SH3D19: variants seen among roughly 807,000 people sequenced by gnomAD.
The protein encoded by SH3D19 is SH3 domain-containing protein 19.
A neutral mutation model predicts 112.1 loss-of-function variants in SH3D19; 58 were observed. The observed-to-expected ratio is 0.52, with a 90% CI of 0.42 to 0.64. SH3D19 has a LOEUF of 0.64. Among genes scored for constraint, SH3D19 ranks in the 30% least tolerant of loss-of-function variants. SH3D19 has a pLI of 0.00. For missense variants in SH3D19, 1,090 were observed against 1,263.4 expected, an observed-to-expected ratio of 0.86 and a Z score of 2.08; for synonymous variants, 391 against 448.5, an observed-to-expected ratio of 0.87 and a Z score of 1.62.
At chr4:151,286,512 A>G (rs1774802394) in intron 1 of SH3D19, among the ~76,000 whole-genome samples, 1 of 151,706 alleles carries the variant, frequency 6.6e-6, no homozygotes, top group Non-Finnish European at 1.5e-5. Flanking sequence ...ACAAATTCCT[A>G]GAAACACACA....
intron 1 of SH3D19, among the ~76,000 whole-genome samples, chr4:151,304,103 C>A (rs1393816471): frequency 6.6e-6 from 1 of 151,962 alleles, no homozygotes; most frequent in East Asian, 1.9e-4. Flanking sequence ...GAGGCACATA[C>A]TACCCAACCC....
At chr4:151,145,379 T>G (rs765314905) in intron 11 of SH3D19, among the ~76,000 whole-genome samples, 7 of 152,148 alleles carry the variant, frequency 4.6e-5, no homozygotes, top group Non-Finnish European at 8.8e-5. Flanking sequence ...TGTGATTTGT[T>G]CTTGCCCCAC....
intron 1 of SH3D19, among the ~76,000 whole-genome samples, chr4:151,250,094 T>C (rs564628637): frequency 2.0e-5 from 3 of 152,322 alleles, no homozygotes; most frequent in African/African-American, 7.2e-5. Context: ...AATGTGGCAA[T>C]AGAGGTCAAA....
At chr4:151,148,226 C>A in intron 10 of SH3D19, 40 bp from the exon 11 acceptor site, 2 of 1,542,340 alleles carry the variant, frequency 1.3e-6, no homozygotes, top group South Asian at 1.3e-5. Context: ...GTGTTTTGAT[C>A]AGTATTAAAT....
chr4:151,234,460 A>C (rs1200715431), intron 1 of SH3D19, among the ~76,000 whole-genome samples: 1 of 152,162 alleles, frequency 6.6e-6, no homozygotes, highest in Non-Finnish European at 1.5e-5. Context: ...CTGGGAAGTA[A>C]GGCAGGGAGG....
intron 1 of SH3D19, among the ~76,000 whole-genome samples, chr4:151,254,270 G>A (rs1444433159): frequency 4.0e-5 from 6 of 151,222 alleles, no homozygotes; most frequent in Admixed American, 3.3e-4. Context: ...AAACCAAAAG[G>A]ATACCTTGAA....
chr4:151,300,740 G>C (rs954762135), intron 1 of SH3D19: 18 of 151,992 alleles, frequency 1.2e-4, no homozygotes, highest in African/African-American at 4.3e-4. Context: ...AAATTGCTTT[G>C]GTGGTTGTAT....
intron 2 of SH3D19, among the ~76,000 whole-genome samples, chr4:151,189,539 T>C (rs1762311963): frequency 6.6e-6 from 1 of 152,160 alleles, no homozygotes; most frequent in African/African-American, 2.4e-5. Flanking sequence ...GATTGAATTA[T>C]GGGGGCAGGT....
Position 151,165,577 on chromosome 4 carries a change from A to G in SH3D19, c.1642+12T>C. ...TTGAAGAAGCTAATAAAGAAAGCAGAGAAGTGCTTACATTTTCCTGGTTTG... is the reference window on the plus strand; with the variant it reads ...TTGAAGAAGCTAATAAAGAAAGCAGGGAAGTGCTTACATTTTCCTGGTTTG... On this transcript the variant is annotated intron_variant, in intron 8 of 19. Transcript: ENST00000604030. The G allele has an allele frequency of 6.3e-7, 1 of 1,599,294 alleles. No homozygotes were observed. The highest frequency in any genetic ancestry group is 1.1e-5 in the South Asian group (1 of 90,396).
chr4:151,277,156 G>T, intron 1 of SH3D19: 1 of 1,430,496 alleles, frequency 7.0e-7, no homozygotes, highest in Non-Finnish European at 9.3e-7. Context: ...GCGCTCACTG[G>T]CTCTGAGGAC....
intron 8 of SH3D19, among the ~76,000 whole-genome samples, chr4:151,162,771 C>T (rs771712761): frequency 1.3e-5 from 2 of 151,928 alleles, no homozygotes; most frequent in African/African-American, 2.4e-5. Context: ...GATGGGGTTT[C>T]ACTATGTTGG....
chr4:151,255,592 A>G (rs1209168641), intron 1 of SH3D19, among the ~76,000 whole-genome samples: 17 of 137,382 alleles, frequency 1.2e-4, no homozygotes, highest in South Asian at 4.9e-4. Flanking sequence ...ATGGGCGGCC[A>G]GGCAGAGACG....
chr4:151,267,795 C>T (rs1772924615), intron 1 of SH3D19, among the ~76,000 whole-genome samples: 1 of 152,086 alleles, frequency 6.6e-6, no homozygotes, highest in African/African-American at 2.4e-5. Flanking sequence ...CCAGTCCCCC[C>T]TGTAAAGGGG....
At chr4:151,288,960 A>G (rs1257006324) in intron 1 of SH3D19, among the ~76,000 whole-genome samples, 1 of 152,244 alleles carries the variant, frequency 6.6e-6, no homozygotes, top group East Asian at 1.9e-4. Context: ...ACAAGAAACA[A>G]GTTGAAGGAC....
chr4:151,243,632 T>C lies in SH3D19; in HGVS notation c.113-17546A>G, dbSNP rs1257855477. Among the ~76,000 whole-genome samples the C allele has an allele frequency of 3.3e-5, 5 of 152,346 alleles. No homozygotes were observed. The East Asian group carries it at 7.7e-4, about 23-fold the overall frequency. On this transcript the variant is annotated intron_variant, in intron 1 of 19. Coordinates refer to ENST00000604030, the MANE Select transcript of SH3D19 (RefSeq NM_001378122.1). ...GTATGAGGGTCCTTCATAACACAAA[T>C]GGCTAATTATTAGTGCTATTATTTT...
chr4:151,249,655 C>T (rs1312140018), intron 1 of SH3D19, among the ~76,000 whole-genome samples: 4 of 151,800 alleles, frequency 2.6e-5, no homozygotes, highest in African/African-American at 9.7e-5. Context: ...TTTTTGTAAA[C>T]TTCGTGTAAA....
At chr4:151,244,681 G>A (rs1043541377) in intron 1 of SH3D19, among the ~76,000 whole-genome samples, 2 of 152,226 alleles carry the variant, frequency 1.3e-5, no homozygotes, top group Admixed American at 1.3e-4. Context: ...CCTCAGAAGT[G>A]TGGTAGTCTT....
At chr4:151,304,705 T>C (rs1458616759) in intron 1 of SH3D19, among the ~76,000 whole-genome samples, 1 of 152,080 alleles carries the variant, frequency 6.6e-6, no homozygotes, top group Non-Finnish European at 1.5e-5. Context: ...AATGAGATGG[T>C]TTGAGGAATA....
intron 10 of SH3D19, 152 bp from the exon 11 acceptor site, chr4:151,148,338 G>C (rs1579784514): frequency 3.7e-6 from 3 of 803,204 alleles, no homozygotes; most frequent in Non-Finnish European, 5.5e-6. Flanking sequence ...AACATGCAGG[G>C]TATGCTATTT....
Sources: gnomAD v4.1 joint callset for allele counts (sites outside exome capture counted in the v4.1 genomes callset) on GRCh38, gnomAD v4.1.1 for gene constraint, MANE v1.5 for transcripts, NCBI Gene and HGNC (gene_info 2026-07-23, HGNC 2026-07-21) for gene names.